DENND2C: variants seen among roughly 807,000 people sequenced by gnomAD.
DENND2C encodes the protein DENN domain containing 2C.
A neutral mutation model predicts 112.4 loss-of-function variants in DENND2C; 72 were observed. The observed-to-expected ratio is 0.64, with a 90% confidence interval of 0.53 to 0.78. The LOEUF is 0.78. Ranked by LOEUF, DENND2C falls within the 30% of genes least tolerant of loss-of-function variation. The pLI is 0.00. For missense variants in DENND2C, 992 were observed against 1,113.8 expected (o/e 0.89, Z 1.56); for synonymous variants, 329 against 381.6 (o/e 0.86, Z 1.61).
intron 1 of DENND2C, among the ~76,000 whole-genome samples, chr1:114,659,979 C>G (rs1657451298): frequency 6.6e-6 from 1 of 152,018 alleles, no homozygotes. Flanking sequence ...TTAGTAAAGA[C>G]TGGGTTTCGC....
Position 114,599,970 on chromosome 1 carries a change from G to A in DENND2C, c.2105+234C>T, listed in dbSNP as rs1235864265. Among the ~76,000 whole-genome samples, 7 of 151,950 alleles carry A rather than the reference G, an allele frequency of 4.6e-5. 2 individuals are homozygous for A. The highest frequency in any genetic ancestry group is 1.7e-4 in the African/African-American group (7 of 41,362). On this transcript the variant is annotated intron_variant, in intron 15 of 20. Coordinates refer to ENST00000393274, the MANE Select transcript of DENND2C (RefSeq NM_001256404.2). The stretch of plus-strand genomic sequence containing the variant: ...CATCACACACCGGGGCCTGTCGTGG[G>A]GTGGGGGGATGGGGGGAGGGCTAGC...
intron 3 of DENND2C, among the ~76,000 whole-genome samples, chr1:114,634,830 C>A (rs775969304): frequency 3.9e-5 from 6 of 151,986 alleles, no homozygotes; most frequent in Non-Finnish European, 7.4e-5. Flanking sequence ...GAGTTCAACA[C>A]CAGCCTGGCA....
chr1:114,597,639 T>C (rs914810423), intron 16 of DENND2C, among the ~76,000 whole-genome samples: 7 of 151,394 alleles, frequency 4.6e-5, no homozygotes, highest in African/African-American at 7.3e-5. Flanking sequence ...AAAAATTAGC[T>C]GGGCATGGTG....
chr1:114,610,699 C>CAAA (rs528172027), intron 9 of DENND2C, among the ~76,000 whole-genome samples: 34 of 83,416 alleles, frequency 4.1e-4, no homozygotes, highest in African/African-American at 1.4e-3. Context: ...GACTCCGTCT[C>CAAA]AAAAAAAAAA....
In DENND2C at chr1:114,611,099, T is replaced by C. The variant is rs1405780991; in HGVS notation, c.1343A>G (p.Glu448Gly). 6.2e-7 allele frequency: 1 copy of C among 1,614,182 alleles called. No homozygotes were observed. The highest frequency in any genetic ancestry group is 1.3e-5 in the African/African-American group (1 of 75,042). Residue 448 changes from glutamate (E) to glycine (G), a missense_variant, in exon 9 of 21, where the codon GAA becomes GGA. By Grantham distance (98) the Glu-to-Gly change is moderately conservative. Transcript: ENST00000393274. ...PPTKGETSGN[E>G]SDAEYLPKNR... is the part of the protein sequence containing the mutation. ...CTTTGGCAGATACTCGGCATCACTT[T>C]CGTTCCCACTGGTTTCACCTGAAAA...
At chr1:114,629,431 C>T (rs1226975250) in intron 3 of DENND2C, among the ~76,000 whole-genome samples, 3 of 152,168 alleles carry the variant, frequency 2.0e-5, no homozygotes, top group Admixed American at 1.3e-4. Flanking sequence ...GTGCCCATCA[C>T]CACACCCAGC....
In DENND2C at chr1:114,608,712, G is replaced by A; in HGVS notation, c.1531C>T (p.Gln511Ter). 3 of 1,614,052 alleles carry A rather than the reference G, an allele frequency of 1.9e-6. No individual in the cohort carries two copies. Among genetic ancestry groups the A allele is most frequent in the Non-Finnish European group, 1.7e-6 (2 of 1,179,980 alleles). ...KKPSGISYIPQVIQQFPGKDD... is the reference protein window; with the variant it reads ...KKPSGISYIP ...TTGCCAGGGAATTGTTGTATGACCT[G>A]GGGAATATAGCTTATTCCTGATGGT... is the stretch of plus-strand genomic sequence containing the variant. Residue 511 changes from glutamine to a stop codon, truncating the protein, a stop_gained, in exon 10 of 21, where the codon CAG becomes TAG. Transcript: ENST00000393274. LOFTEE classifies it high-confidence loss of function.
chr1:114,600,412 C>G, intron 14 of DENND2C, 60 bp from the exon 15 acceptor site: 1 of 1,592,858 alleles, frequency 6.3e-7, no homozygotes, highest in Non-Finnish European at 8.6e-7. Context: ...CTAGTGCCAA[C>G]GCTATGGATC....
chr1:114,659,907 CA>C (rs920411215), intron 1 of DENND2C, among the ~76,000 whole-genome samples: 3 of 151,684 alleles, frequency 2.0e-5, no homozygotes, highest in Non-Finnish European at 4.4e-5. Context: ...CCTTCTACCT[CA>C]ATCTCCCGGA....
At chr1:114,603,427 C>T (rs1376708778) in intron 11 of DENND2C, among the ~76,000 whole-genome samples, 1 of 151,954 alleles carries the variant, frequency 6.6e-6, no homozygotes, top group Non-Finnish European at 1.5e-5. Flanking sequence ...AGCACCTGGC[C>T]AAGTCCAATT....
At chr1:114,605,055 G>T in intron 10 of DENND2C, 24 bp from the exon 11 acceptor site, 1 of 1,540,624 alleles carries the variant, frequency 6.5e-7, no homozygotes, top group Non-Finnish European at 8.9e-7. Flanking sequence ...CACCATAGGT[G>T]ACTTAAATTA....
chr1:114,619,708 T>C (rs976683218), intron 7 of DENND2C, among the ~76,000 whole-genome samples: 1 of 152,124 alleles, frequency 6.6e-6, no homozygotes, highest in African/African-American at 2.4e-5. Context: ...TACTAAGGGC[T>C]ATAGGAAAGA....
chr1:114,599,414 G>C lies in DENND2C; in HGVS notation c.2143C>G (p.Leu715Val). ...SKCGHAVVAT[L>V]YPFTWQHTYI... is the part of the protein sequence containing the mutation. Reference sequence around the variant, plus strand: ...GTATGCTGCCAGGTGAACGGATACAGTGTAGCTACCACAGCATGGCCACAT... The same window carrying C: ...GTATGCTGCCAGGTGAACGGATACACTGTAGCTACCACAGCATGGCCACAT... The change falls in exon 16 of 21, where the codon CTG (leucine) becomes GTG (valine). Residue 715 changes from leucine (L) to valine (V), a missense_variant. By Grantham distance (32) the Leu-to-Val change is conservative (BLOSUM62 1). Around this residue, in one of 3 missense-constraint regions of DENND2C, gnomAD observed 516 missense variants for 623.6 expected, o/e 0.83. Transcript: ENST00000393274. 6.2e-7 allele frequency: 1 copy of C among 1,614,008 alleles called. No individual in the cohort carries two copies. Among genetic ancestry groups the C allele is most frequent in the Non-Finnish European group, 8.5e-7 (1 of 1,179,950 alleles).
At chr1:114,586,186 A>G (rs1417580284) in intron 20 of DENND2C, among the ~76,000 whole-genome samples, 1 of 152,202 alleles carries the variant, frequency 6.6e-6, no homozygotes, top group Non-Finnish European at 1.5e-5. Context: ...CTAATTAACT[A>G]TTACTGAAAA....
In DENND2C at chr1:114,584,254, TTTTTTTC is replaced by T. The variant is rs1018256931; in HGVS notation, c.*1339_*1345del. On this transcript the variant is annotated 3_prime_UTR_variant, in exon 21 of 21. Coordinates refer to ENST00000393274, the MANE Select transcript of DENND2C (RefSeq NM_001256404.2). ...AACGTATTTAACTTCTTTGAATTTGTTTTTTTCTTTTTTCTTTTCCTTTTTTCTTTTT... is the reference window on the plus strand; with the variant it reads ...AACGTATTTAACTTCTTTGAATTTGTTTTTTTCTTTTCCTTTTTTCTTTTT... The T allele has an allele frequency of 1.3e-5, 2 of 152,262 alleles. No individual in the cohort carries two copies. The highest frequency in any genetic ancestry group is 1.9e-4 in the East Asian group (1 of 5,186). 9.4% of individuals were successfully genotyped at this position (152,262 alleles called of 1,614,324 possible).
At chr1:114,636,578 G>A (rs919812454) in intron 3 of DENND2C, among the ~76,000 whole-genome samples, 16 of 152,036 alleles carry the variant, frequency 1.1e-4, no homozygotes, top group African/African-American at 3.9e-4. Flanking sequence ...GGTGGGAATG[G>A]GGGGAGGACT....
intron 18 of DENND2C, among the ~76,000 whole-genome samples, chr1:114,593,773 CAGAAAA>C (rs898312872): frequency 2.6e-5 from 4 of 151,970 alleles, no homozygotes; most frequent in Admixed American, 6.6e-5. Flanking sequence ...AAACAAAAAA[CAGAAAA>C]AGAAAAAACC....
At chr1:114,603,588 C>A (rs1233447395) in intron 11 of DENND2C, among the ~76,000 whole-genome samples, 1 of 151,592 alleles carries the variant, frequency 6.6e-6, no homozygotes, top group African/African-American at 2.4e-5. Flanking sequence ...GCTCTGTTGC[C>A]CAGGCTGGAG....
chr1:114,666,904 A>C (rs1230929205), intron 1 of DENND2C, among the ~76,000 whole-genome samples: 1 of 152,252 alleles, frequency 6.6e-6, no homozygotes, highest in African/African-American at 2.4e-5. Flanking sequence ...AATGAAGGGA[A>C]GTGAAATACC....
Sources: allele counts gnomAD v4.1 joint callset (sites outside exome capture counted in the v4.1 genomes callset), GRCh38; gene constraint gnomAD v4.1.1; regional missense constraint gnomAD v4.1.1; transcripts MANE v1.5; gene names NCBI Gene and HGNC (gene_info 2026-07-23, HGNC 2026-07-21).